TPM1: variants seen among roughly 807,000 people sequenced by gnomAD.
The protein encoded by TPM1 is tropomyosin 1, also known as tropomyosin alpha-1 chain.
A neutral mutation model predicts 42.9 loss-of-function variants in TPM1; 24 were observed. The ratio of observed to expected loss-of-function variants is 0.56; its 90% CI spans 0.41 to 0.79. TPM1 has a LOEUF of 0.79. Ranked by LOEUF, TPM1 falls within the 30% of genes least tolerant of loss-of-function variation. TPM1 has a pLI of 0.00. For synonymous variants in TPM1, 136 were observed against 130.1 expected, an observed-to-expected ratio of 1.05 and a Z score of -0.31; for missense variants, 158 against 351.8, an observed-to-expected ratio of 0.45 and a Z score of 4.41.
At chr15:63,056,240 G>T (rs562896890) in intron 2 of TPM1, 3 of 152,232 alleles carry the variant, frequency 2.0e-5, no homozygotes, top group African/African-American at 7.2e-5. Context: ...TCCGATTTCT[G>T]GCTGTACTGC....
intron 2 of TPM1, among the ~76,000 whole-genome samples, chr15:63,049,631 T>C (rs1042410492): frequency 6.6e-6 from 1 of 152,342 alleles, no homozygotes; most frequent in African/African-American, 2.4e-5. Context: ...CCTGCTGTGC[T>C]TAATATACGG....
chr15:63,065,608 C>G, intron 9 of TPM1: 10 of 985,184 alleles, frequency 1.0e-5, no homozygotes, highest in Non-Finnish European at 1.2e-5. Context: ...CTTTTTGCAT[C>G]AAGTATGATT....
At chr15:63,058,926 C>G (rs995263697) in intron 3 of TPM1, among the ~76,000 whole-genome samples, 11 of 152,194 alleles carry the variant, frequency 7.2e-5, no homozygotes, top group Non-Finnish European at 1.2e-4. Context: ...TCAGGCCTGT[C>G]TCCCAGCATT....
intron 3 of TPM1, among the ~76,000 whole-genome samples, chr15:63,058,279 T>G (rs541301578): frequency 6.6e-6 from 1 of 152,266 alleles, no homozygotes; most frequent in East Asian, 1.9e-4. Context: ...TTGGGGATCA[T>G]TTAGTCCCTT....
chr15:63,065,223 T>G, intron 9 of TPM1: 1 of 986,326 alleles, frequency 1.0e-6, no homozygotes, highest in Non-Finnish European at 1.2e-6. Context: ...ACAACTAATT[T>G]ACATATTACT....
intron 2 of TPM1, chr15:63,048,374 C>T (rs1372218187): frequency 1.4e-5 from 19 of 1,329,654 alleles, no homozygotes; most frequent in South Asian, 1.7e-5. Context: ...GCCGCGCGCG[C>T]CCGCCTGCGG....
chr15:63,070,453 C>T (rs1195605050), downstream of TPM1: 1 of 993,610 alleles, frequency 1.0e-6, no homozygotes, highest in East Asian at 1.1e-4. Flanking sequence ...GCCAGAAGCC[C>T]CTGGTTGTCT....
At chr15:63,069,021 C>T (rs1278488347), downstream of TPM1, among the ~76,000 whole-genome samples, 6 of 152,134 alleles carry the variant, frequency 3.9e-5, no homozygotes, top group East Asian at 3.9e-4. Context: ...GGCGTGGTGG[C>T]GGGCGCCTGT....
chr15:63,062,331 A>T, intron 7 of TPM1, 54 bp downstream of exon 7: 1 of 1,553,762 alleles, frequency 6.4e-7, no homozygotes, highest in South Asian at 1.1e-5. Flanking sequence ...GTTTGTTTTC[A>T]TGGAACCGGT....
intron 2 of TPM1, among the ~76,000 whole-genome samples, chr15:63,051,536 GTTT>G (rs60450234): frequency 6.8e-6 from 1 of 148,014 alleles, no homozygotes; most frequent in Non-Finnish European, 1.5e-5. Context: ...TGTCATCAGT[GTTT>G]TTTTTTTTCC....
chr15:63,046,270 T>C (rs1388817819), intron 2 of TPM1: 1 of 152,196 alleles, frequency 6.6e-6, no homozygotes, highest in Non-Finnish European at 1.5e-5. Context: ...GACCAAAACA[T>C]CATTATGCAG....
chr15:63,053,428 G>A (rs776705633), intron 2 of TPM1, among the ~76,000 whole-genome samples: 10 of 152,032 alleles, frequency 6.6e-5, no homozygotes, highest in Non-Finnish European at 1.3e-4. Flanking sequence ...GTGGAGAGCC[G>A]GCATGCTGGG....
intron 2 of TPM1, chr15:63,048,824 G>A: frequency 7.2e-7 from 1 of 1,395,528 alleles, no homozygotes. Context: ...CACGCCTCCA[G>A]GGCGCACCTG....
At chr15:63,061,123 G>A in intron 5 of TPM1, 184 bp downstream of exon 5, 2 of 1,513,320 alleles carry the variant, frequency 1.3e-6, no homozygotes, top group Non-Finnish European at 1.8e-6. Flanking sequence ...ATGTATGAAT[G>A]CGTGTATCAC....
chr15:63,064,036 A>T (rs769657058), intron 8 of TPM1, 28 bp from the exon 9 acceptor site: 5 of 1,612,738 alleles, frequency 3.1e-6, no homozygotes, highest in Middle Eastern at 1.6e-4. Context: ...ATGTTCTTGC[A>T]CCTCTGCCTT....
At chr15:63,070,312 G>C (rs1235352192), downstream of TPM1, 5 of 806,578 alleles carry the variant, frequency 6.2e-6, no homozygotes, top group Non-Finnish European at 7.3e-6. Context: ...ATATATGTGT[G>C]TGTGTGTGTG....
At chr15:63,051,735 G>A (rs1361556978) in intron 2 of TPM1, among the ~76,000 whole-genome samples, 2 of 152,122 alleles carry the variant, frequency 1.3e-5, no homozygotes, top group Admixed American at 6.5e-5. Context: ...CCAGAGGATT[G>A]ATTTCTAGAT....
chr15:63,065,743 T>C, intron 9 of TPM1, 153 bp from the exon 10 acceptor site: 1 of 878,198 alleles, frequency 1.1e-6, no homozygotes, highest in Non-Finnish European at 1.4e-6. Flanking sequence ...AAGATGGATG[T>C]CCTTCCAAGG....
At chr15:63,060,801 C>G in intron 4 of TPM1, 68 bp from the exon 5 acceptor site, 2 of 1,557,502 alleles carry the variant, frequency 1.3e-6, no homozygotes, top group Non-Finnish European at 1.8e-6. Context: ...TGATCTCTAC[C>G]CCCATGCCCT....
Sources: gnomAD v4.1 joint callset for allele counts (sites outside exome capture counted in the v4.1 genomes callset) on GRCh38, gnomAD v4.1.1 for gene constraint, MANE v1.5 for transcripts, NCBI Gene and HGNC (gene_info 2026-07-23, HGNC 2026-07-21) for gene names.